CTTNBP2: variants seen among roughly 807,000 people sequenced by gnomAD.
CTTNBP2 encodes the protein cortactin-binding protein 2.
In CTTNBP2, 108 loss-of-function variants were observed where a neutral mutation model predicts 156.9. That is an observed-to-expected ratio of 0.69 (90% CI 0.59 to 0.81). The LOEUF (loss-of-function observed/expected upper bound fraction) is 0.81, where lower values mean the gene tolerates loss of function less well. CTTNBP2 is among the 30% of genes least tolerant of loss of function. The pLI, the probability that CTTNBP2 is intolerant of heterozygous loss-of-function variation, is 0.00. For synonymous variants in CTTNBP2, 767 were observed against 751.8 expected, an observed-to-expected ratio of 1.02 and a Z score of -0.33; for missense variants, 1,924 against 2,035.4, an observed-to-expected ratio of 0.95 and a Z score of 1.05.
At chr7:117,858,966 A>C (rs1329970749) in intron 2 of CTTNBP2, among the ~76,000 whole-genome samples, 1 of 152,170 alleles carries the variant, frequency 6.6e-6, no homozygotes, top group African/African-American at 2.4e-5. Flanking sequence ...TATTATATTC[A>C]TGTCAATGCC....
intron 1 of CTTNBP2, among the ~76,000 whole-genome samples, chr7:117,868,576 A>C (rs1471343342): frequency 6.6e-6 from 1 of 152,234 alleles, no homozygotes; most frequent in African/African-American, 2.4e-5. Context: ...TTATTTGTGT[A>C]AGTTATTTAA....
intron 1 of CTTNBP2, among the ~76,000 whole-genome samples, chr7:117,868,331 G>A (rs1247265503): frequency 6.6e-6 from 1 of 152,184 alleles, no homozygotes; most frequent in African/African-American, 2.4e-5. Context: ...GAACCATCTT[G>A]TCTTTTCAAT....
rs73716257 is a variant in CTTNBP2, at chr7:117,799,929, T to A, written c.415-7148A>T. 6.4e-3 allele frequency among the ~76,000 whole-genome samples: 966 copies of A among 152,038 alleles called. 10 individuals are homozygous for A. Among genetic ancestry groups the A allele is most frequent in the African/African-American group, 0.022 (931 of 41,490 alleles). On this transcript the variant is annotated intron_variant, in intron 3 of 22. Coordinates refer to ENST00000160373, the MANE Select transcript of CTTNBP2 (RefSeq NM_033427.3). Reference sequence around the variant, plus strand: ...TACAATAGCATCAAAAAATAAAATATGAGTAACAGCAACAAATGACTTCTA... The same window carrying A: ...TACAATAGCATCAAAAAATAAAATAAGAGTAACAGCAACAAATGACTTCTA...
At position 117,721,099 on chromosome 7, in the gene CTTNBP2, A is replaced by G. The variant is rs1390248024; in HGVS notation, c.4479T>C (p.Asn1493=). ...TTGACAGAGAAGCATTCCTGTTACA[A>G]TTCAGCTGTGATATAGTCTTATTTT... The part of the protein sequence containing the change: ...GMKNKTISQL[N]CNRNASLSKQ... Residue 1493 remains asparagine, a synonymous_variant, in exon 20 of 23, where the codon AAT becomes AAC. Transcript: ENST00000160373. 3 of 1,606,664 alleles carry G rather than the reference A, an allele frequency of 1.9e-6. No homozygotes were observed. The highest frequency in any genetic ancestry group is 2.6e-6 in the Non-Finnish European group (3 of 1,173,362).
intron 4 of CTTNBP2, chr7:117,786,344 T>C: frequency 2.4e-6 from 1 of 420,130 alleles, no homozygotes; most frequent in Non-Finnish European, 4.8e-6. Context: ...CTGATACTCA[T>C]TAGCTCTTCT....
chr7:117,744,987 G>A (rs998501214), intron 14 of CTTNBP2, among the ~76,000 whole-genome samples: 6 of 152,154 alleles, frequency 3.9e-5, no homozygotes, highest in South Asian at 2.1e-4. Context: ...TGCTTCCTTC[G>A]CCCCTTCCCC....
intron 19 of CTTNBP2, among the ~76,000 whole-genome samples, chr7:117,721,877 ACT>A (rs1355363652): frequency 6.6e-6 from 1 of 152,224 alleles, no homozygotes. Context: ...TTTGAGAAAC[ACT>A]CTTATAAACC....
At chr7:117,809,124 T>C (rs1056642195) in intron 3 of CTTNBP2, among the ~76,000 whole-genome samples, 1 of 151,906 alleles carries the variant, frequency 6.6e-6, no homozygotes, top group Non-Finnish European at 1.5e-5. Flanking sequence ...AACAATTTCC[T>C]TTCACTATCA....
intron 3 of CTTNBP2, among the ~76,000 whole-genome samples, chr7:117,794,982 C>G (rs1713350383): frequency 6.7e-6 from 1 of 148,970 alleles, no homozygotes; most frequent in South Asian, 2.1e-4. Flanking sequence ...GCAAGCTCCG[C>G]TTCCCGGGTT....
At chr7:117,805,351 G>C (rs1047714647) in intron 3 of CTTNBP2, among the ~76,000 whole-genome samples, 1 of 152,138 alleles carries the variant, frequency 6.6e-6, no homozygotes, top group Non-Finnish European at 1.5e-5. Context: ...TGAGAAGCAG[G>C]AGATCTGAGT....
intron 14 of CTTNBP2, among the ~76,000 whole-genome samples, chr7:117,745,093 T>C (rs772662315): frequency 1.3e-5 from 2 of 152,250 alleles, no homozygotes; most frequent in Admixed American, 6.5e-5. Flanking sequence ...CAGTATGCAA[T>C]GCAGGGTTAT....
At chr7:117,757,625 T>C (rs1295637160) in intron 11 of CTTNBP2, among the ~76,000 whole-genome samples, 2 of 150,888 alleles carry the variant, frequency 1.3e-5, no homozygotes, top group African/African-American at 4.9e-5. Flanking sequence ...TTACTTCCAG[T>C]GAGTGATGCA....
At chr7:117,735,713 A>G (rs1194981937) in intron 14 of CTTNBP2, among the ~76,000 whole-genome samples, 1 of 152,250 alleles carries the variant, frequency 6.6e-6, no homozygotes, top group African/African-American at 2.4e-5. Flanking sequence ...ATGTTCATAC[A>G]ACAAATAGAA....
rs1027351207 is a variant in CTTNBP2, at chr7:117,792,966, G to T, written c.415-185C>A. On this transcript the variant is annotated intron_variant, in intron 3 of 22. Coordinates refer to ENST00000160373, the MANE Select transcript of CTTNBP2 (RefSeq NM_033427.3). The surrounding 1 kb of genome is among the most constrained non-coding windows in gnomAD (Gnocchi z 4.2). ...AAAGACACATTAAAATGAGAAAATA[G>T]ACGTAAATGGCTTTATAAAGACATC... Among the ~76,000 whole-genome samples the T allele has an allele frequency of 4.6e-5, 7 of 152,162 alleles. No individual in the cohort carries two copies. The highest frequency in any genetic ancestry group is 1.4e-4 in the African/African-American group (6 of 41,428).
intron 2 of CTTNBP2, among the ~76,000 whole-genome samples, chr7:117,824,919 T>C (rs1052537194): frequency 7.9e-5 from 12 of 152,258 alleles, no homozygotes; most frequent in African/African-American, 2.2e-4. Context: ...CCTTGTTCTA[T>C]CCTGCAAGAT....
Position 117,777,635 on chromosome 7 carries a change from T to C in CTTNBP2, c.2654A>G (p.Asp885Gly). ...NEEESESSVF[D>G]LDGGEESPEG... ...AGGACTCTCTTCTCCTCCATCCAAG[T>C]CAAAGACACTTGACTCGGACTCCTC... Residue 885 changes from aspartate to glycine, a missense_variant, in exon 8 of 23, where the codon GAC becomes GGC. Physicochemically the swap from Asp to Gly is moderately conservative, Grantham distance 94. Transcript: ENST00000160373. The C allele has an allele frequency of 6.2e-7, 1 of 1,613,990 alleles. No individual in the cohort carries two copies. Among genetic ancestry groups the C allele is most frequent in the Non-Finnish European group, 8.5e-7 (1 of 1,179,972 alleles).
At position 117,792,264 on chromosome 7, in the gene CTTNBP2, A is replaced by C. The variant is rs1799073506; in HGVS notation, c.932T>G (p.Leu311Arg). The change falls in exon 4 of 23, where the codon CTA becomes CGA. Residue 311 changes from leucine (L) to arginine (R), a missense_variant. Physicochemically the swap from Leu to Arg is moderately radical, Grantham distance 102 (BLOSUM62 -2). Transcript: ENST00000160373. The surrounding 1 kb of genome is among the most constrained non-coding windows in gnomAD (Gnocchi z 4.2). The stretch of plus-strand genomic sequence containing the variant: ...CATGTGGTCAGCATTTTCTGTCACT[A>C]GGTCTGTCTGGCATGCAACAGACCT... ...VTRSVACQTD[L>R]VTENADHMKK... The C allele has an allele frequency of 1.9e-6, 3 of 1,614,202 alleles. No individual in the cohort carries two copies. The East Asian group carries it at 6.7e-5, about 36-fold the overall frequency.
rs1379083741 is a variant in CTTNBP2 at position 117,724,658 on chromosome 7, T to C, written c.4336A>G (p.Asn1446Asp). Residue 1446 changes from asparagine (N) to aspartate (D), a missense_variant, in exon 19 of 23, where the codon AAC becomes GAC. By Grantham distance (23) the Asn-to-Asp change is conservative. Coordinates refer to ENST00000160373, the MANE Select transcript of CTTNBP2 (RefSeq NM_033427.3). ...LSIVSSYNTC[N>D]KKKGESGAWR... ...GCACCACTCTCTCCTTTCTTCTTGT[T>C]ACAAGTGTTATAACTGGAAACTATG... 1 of 1,614,212 alleles carries C rather than the reference T, an allele frequency of 6.2e-7. No individual in the cohort carries two copies. The highest frequency in any genetic ancestry group is 1.3e-5 in the African/African-American group (1 of 75,054).
intron 2 of CTTNBP2, among the ~76,000 whole-genome samples, chr7:117,835,644 C>G (rs1425182947): frequency 2.0e-5 from 3 of 152,222 alleles, no homozygotes. Context: ...ATTTGAGAAT[C>G]ATTCTTTGCT....
Sources: allele counts gnomAD v4.1 joint callset (sites outside exome capture counted in the v4.1 genomes callset), GRCh38; gene constraint gnomAD v4.1.1; non-coding constraint Gnocchi (gnomAD v3.1); transcripts MANE v1.5; gene names NCBI Gene and HGNC (gene_info 2026-07-23, HGNC 2026-07-21).